The following FRAS1 variants were observed in gnomAD, a reference collection of about 807,000 sequenced individuals.
The protein encoded by FRAS1 is Fraser extracellular matrix complex subunit 1.
Under a neutral mutation model 435.2 loss-of-function variants are expected in FRAS1, and 290 were observed. The ratio of observed to expected loss-of-function variants is 0.67; its 90% confidence interval spans 0.61 to 0.73. The LOEUF (loss-of-function observed/expected upper bound fraction) is 0.73. Among genes scored for constraint, FRAS1 ranks in the 30% least tolerant of loss-of-function variants. FRAS1 has a pLI of 0.00. For synonymous variants in FRAS1, 1,800 were observed against 1,851.0 expected (o/e 0.97, Z 0.71); for missense variants, 4,860 against 5,001.5 (o/e 0.97, Z 0.85).
At chr4:78,170,139 T>G (rs942338641) in intron 2 of FRAS1, among the ~76,000 whole-genome samples, 3 of 152,164 alleles carry the variant, frequency 2.0e-5, no homozygotes, top group Non-Finnish European at 2.9e-5. Context: ...TCTCCTGTTA[T>G]TCTGTTTTTA....
At chr4:78,426,280 G>A (rs1174521156) in intron 35 of FRAS1, among the ~76,000 whole-genome samples, 1 of 152,174 alleles carries the variant, frequency 6.6e-6, no homozygotes, top group Non-Finnish European at 1.5e-5. Flanking sequence ...ACTCTTACCT[G>A]AAAGCTTGAG....
chr4:78,479,300 T>A (rs1719940035), intron 55 of FRAS1, 74 bp from the exon 56 acceptor site: 6 of 1,037,788 alleles, frequency 5.8e-6, no homozygotes, highest in Non-Finnish European at 6.7e-6. Context: ...ACCAAGCTCA[T>A]TAACTTACCA....
At chr4:78,485,838 T>C (rs565739389) in intron 58 of FRAS1, among the ~76,000 whole-genome samples, 6 of 152,334 alleles carry the variant, frequency 3.9e-5, no homozygotes, top group African/African-American at 4.8e-5. Flanking sequence ...CAGTTTCAGC[T>C]GGCCACTGCC....
chr4:78,451,992 C>T (rs1377660559), intron 46 of FRAS1, 101 bp downstream of exon 46: 2 of 1,338,706 alleles, frequency 1.5e-6, no homozygotes, highest in Non-Finnish European at 2.0e-6. Context: ...CTTCCCTTTA[C>T]CTAGCTGGTG....
At chr4:78,246,368 C>A (rs1425353717) in intron 4 of FRAS1, among the ~76,000 whole-genome samples, 1 of 152,134 alleles carries the variant, frequency 6.6e-6, no homozygotes, top group African/African-American at 2.4e-5. Flanking sequence ...GCACAGTGCT[C>A]ATTTCCCTGT....
chr4:78,442,808 G>C (rs536307873), intron 41 of FRAS1, among the ~76,000 whole-genome samples: 207 of 152,332 alleles, frequency 1.4e-3, no homozygotes, highest in Middle Eastern at 6.8e-3. Context: ...TCCTGTTTTA[G>C]GAGGTTGGTG....
intron 14 of FRAS1, among the ~76,000 whole-genome samples, chr4:78,305,315 G>C (rs1728654146): frequency 6.6e-6 from 1 of 151,842 alleles, no homozygotes; most frequent in Non-Finnish European, 1.5e-5. Context: ...GTGTGGTGTG[G>C]TGCTGAAAAG....
chr4:78,152,091 C>G (rs17002977), intron 2 of FRAS1, among the ~76,000 whole-genome samples: 1,803 of 152,196 alleles, frequency 0.012, 36 homozygotes, highest in African/African-American at 0.04. Context: ...CAGTATTTGC[C>G]TGGTTCTATT....
chr4:78,358,926 C>T (rs1053885815), intron 20 of FRAS1, among the ~76,000 whole-genome samples: 1 of 152,228 alleles, frequency 6.6e-6, no homozygotes, highest in African/African-American at 2.4e-5. Flanking sequence ...ATAGTGTCCA[C>T]ATTTAATTTA....
At chr4:78,494,305 A>G (rs79416245) in intron 59 of FRAS1, among the ~76,000 whole-genome samples, 4 of 152,182 alleles carry the variant, frequency 2.6e-5, no homozygotes, top group African/African-American at 9.7e-5. Flanking sequence ...TTGCATTGCT[A>G]TAAAGGAATA....
intron 18 of FRAS1, among the ~76,000 whole-genome samples, chr4:78,332,770 T>A (rs1302146736): frequency 1.3e-5 from 2 of 152,218 alleles, no homozygotes; most frequent in East Asian, 3.9e-4. Flanking sequence ...AGCAACTAGT[T>A]TGAGCAGCTC....
chr4:78,342,106 T>C (rs1320323560), intron 20 of FRAS1, among the ~76,000 whole-genome samples: 1 of 152,170 alleles, frequency 6.6e-6, no homozygotes, highest in Non-Finnish European at 1.5e-5. Flanking sequence ...TGTAATATCC[T>C]CTCCGTGTCC....
chr4:78,096,962 T>A (rs1658203966), intron 2 of FRAS1, among the ~76,000 whole-genome samples: 1 of 152,256 alleles, frequency 6.6e-6, no homozygotes, highest in Admixed American at 6.5e-5. Context: ...ATTGTCAGGC[T>A]GAAAATTTTC....
intron 2 of FRAS1, among the ~76,000 whole-genome samples, chr4:78,219,081 G>T (rs1249310312): frequency 6.6e-6 from 1 of 152,004 alleles, no homozygotes; most frequent in Non-Finnish European, 1.5e-5. Context: ...TCTTTTGCTG[G>T]TTTTTTTCTT....
In FRAS1 at chr4:78,363,703, C is replaced by T. The variant is rs549246114; in HGVS notation, c.2575+38C>T. ...TGGACTCAGGAGCTGGAGCTGCCAC[C>T]TGAGGTTCTCTTGGGGCAGTAGCTG... On this transcript the variant is annotated intron_variant, in intron 21 of 73. Transcript: ENST00000512123. 4 of 1,553,592 alleles carry T rather than the reference C, an allele frequency of 2.6e-6. No homozygotes were observed. The East Asian group carries it at 7.2e-5, about 28-fold the overall frequency.
At chr4:78,210,105 C>T (rs1346475057) in intron 2 of FRAS1, among the ~76,000 whole-genome samples, 2 of 152,158 alleles carry the variant, frequency 1.3e-5, no homozygotes, top group African/African-American at 4.8e-5. Context: ...TGTGCTATTC[C>T]ACTTCACACC....
intron 38 of FRAS1, among the ~76,000 whole-genome samples, chr4:78,438,073 G>A (rs1230699315): frequency 6.6e-6 from 1 of 151,844 alleles, no homozygotes; most frequent in African/African-American, 2.4e-5. Context: ...TGAGCCATTG[G>A]CTAAGCTAAA....
At chr4:78,196,621 A>C (rs1176529134) in intron 2 of FRAS1, among the ~76,000 whole-genome samples, 1 of 150,208 alleles carries the variant, frequency 6.7e-6, no homozygotes, top group East Asian at 1.9e-4. Context: ...TTTTTCCTGA[A>C]TTGGTGTCTC....
intron 5 of FRAS1, among the ~76,000 whole-genome samples, chr4:78,253,458 A>T (rs1041510603): frequency 1.3e-5 from 2 of 152,210 alleles, no homozygotes; most frequent in African/African-American, 4.8e-5. Context: ...CAGGCATAAG[A>T]AATTGTAAGA....
Sources: gnomAD v4.1 joint callset for allele counts (sites outside exome capture counted in the v4.1 genomes callset) on GRCh38, gnomAD v4.1.1 for gene constraint, MANE v1.5 for transcripts, NCBI Gene and HGNC (gene_info 2026-07-23, HGNC 2026-07-21) for gene names.